Variants in GALNT14 observed in about 807,000 individuals in gnomAD.
GALNT14 encodes polypeptide N-acetylgalactosaminyltransferase 14.
GALNT14 carries 60 observed loss-of-function variants against 77.5 expected under a neutral mutation model. The ratio of observed to expected loss-of-function variants is 0.77; its 90% CI spans 0.63 to 0.96. GALNT14 has a LOEUF of 0.96. Among genes scored for constraint, GALNT14 ranks in the 40% least tolerant of loss-of-function variants. The probability of loss-of-function intolerance (pLI) is 0.00; values close to 1 mark genes in which losing one functional copy is unlikely to be tolerated. For synonymous variants in GALNT14, 280 were observed against 281.7 expected, an observed-to-expected ratio of 0.99 and a Z score of 0.06; for missense variants, 710 against 731.0, an observed-to-expected ratio of 0.97 and a Z score of 0.33.
Position 30,912,335 on chromosome 2 carries a change from G to C in GALNT14, c.1388C>G (p.Ala463Gly), listed in dbSNP as rs764528609. 21 of 1,613,878 alleles carry C rather than the reference G, an allele frequency of 1.3e-5. No homozygotes were observed. Among genetic ancestry groups the C allele is most frequent in the Non-Finnish European group, 1.8e-5 (21 of 1,179,978 alleles). The change falls in exon 14 of 15, where the codon GCC becomes GGC. Residue 463 changes from alanine (A) to glycine (G), a missense_variant. By Grantham distance (60) the Ala-to-Gly change is moderately conservative. Transcript: ENST00000349752. The stretch of plus-strand genomic sequence containing the variant: ...GAGGATCTGCTGGGTGTATGTGAAG[G>C]CCCATACCTGGGGAGAAAGAGACCA... ...KGEDAKSQVW[A>G]FTYTQQILQE...
chr2:31,124,673 T>C (rs1157508856), intron 1 of GALNT14, among the ~76,000 whole-genome samples: 2 of 152,136 alleles, frequency 1.3e-5, no homozygotes, highest in African/African-American at 4.8e-5. Context: ...CAGGATGGAG[T>C]GCAGTGGTGC....
chr2:30,979,140 G>A (rs901083241), intron 2 of GALNT14, among the ~76,000 whole-genome samples: 1 of 152,262 alleles, frequency 6.6e-6, no homozygotes, highest in African/African-American at 2.4e-5. Flanking sequence ...CAGGTGAGGA[G>A]TGATCCTTCT....
At chr2:30,894,805 C>A in the GALNT14 span, among the ~76,000 whole-genome samples, 1 of 152,216 alleles carries the variant, frequency 6.6e-6, no homozygotes, top group Non-Finnish European at 1.5e-5. Flanking sequence ...CTACGGCCCC[C>A]CATTCTTAGA....
intron 6 of GALNT14, 74 bp from the exon 7 acceptor site, chr2:30,945,944 C>A: frequency 8.0e-7 from 1 of 1,243,748 alleles, no homozygotes; most frequent in Admixed American, 1.7e-5. Context: ...GGGATGGCCT[C>A]GTGAGGGTAG....
intron 1 of GALNT14, among the ~76,000 whole-genome samples, chr2:31,011,896 A>G (rs1314207161): frequency 6.6e-6 from 1 of 152,188 alleles, no homozygotes; most frequent in Non-Finnish European, 1.5e-5. Context: ...TGGCTGCCAT[A>G]ACGCTCAGCC....
At chr2:30,996,232 A>G (rs1573119387) in intron 1 of GALNT14, among the ~76,000 whole-genome samples, 1 of 152,160 alleles carries the variant, frequency 6.6e-6, no homozygotes, top group South Asian at 2.1e-4. Flanking sequence ...AGGCCCAGAG[A>G]AAAAAAATCT....
chr2:30,984,647 T>C (rs1669185132), intron 2 of GALNT14, among the ~76,000 whole-genome samples: 1 of 152,178 alleles, frequency 6.6e-6, no homozygotes, highest in African/African-American at 2.4e-5. Context: ...CTCTTCTATC[T>C]CCTGATATTT....
chr2:31,133,801 C>T (rs977032508), intron 1 of GALNT14, among the ~76,000 whole-genome samples: 1 of 152,164 alleles, frequency 6.6e-6, no homozygotes, highest in African/African-American at 2.4e-5. Context: ...TTAAAACACT[C>T]AATTTGTTAC....
intron 2 of GALNT14, among the ~76,000 whole-genome samples, chr2:30,970,130 T>C (rs1426741525): frequency 6.6e-6 from 1 of 152,190 alleles, no homozygotes; most frequent in Non-Finnish European, 1.5e-5. Context: ...TGCAGACGAC[T>C]CTGCCTGCTG....
At chr2:31,105,430 C>G (rs1677506786) in intron 1 of GALNT14, among the ~76,000 whole-genome samples, 1 of 152,158 alleles carries the variant, frequency 6.6e-6, no homozygotes, top group African/African-American at 2.4e-5. Context: ...CCCCTGGTAA[C>G]TTGCAGTGTA....
At chr2:30,974,803 CA>C (rs1398557960) in intron 2 of GALNT14, among the ~76,000 whole-genome samples, 3 of 152,160 alleles carry the variant, frequency 2.0e-5, no homozygotes, top group African/African-American at 7.2e-5. Flanking sequence ...GCAGTGAAGG[CA>C]AGGACTTATT....
intron 1 of GALNT14, among the ~76,000 whole-genome samples, chr2:31,067,665 T>TA (rs376488756): frequency 1.6e-3 from 251 of 152,230 alleles, no homozygotes; most frequent in African/African-American, 5.4e-3. Flanking sequence ...AGGGAGGACT[T>TA]AAGAGTTGGA....
intron 1 of GALNT14, among the ~76,000 whole-genome samples, chr2:31,129,875 C>T (rs76351284): frequency 0.014 from 2,136 of 152,292 alleles, 64 homozygotes; most frequent in African/African-American, 0.048. Context: ...GGAGAGAGCT[C>T]GTCAAGAGAG....
chr2:30,926,258 G>A (rs1319531135), intron 11 of GALNT14, among the ~76,000 whole-genome samples: 1 of 152,198 alleles, frequency 6.6e-6, no homozygotes, highest in Non-Finnish European at 1.5e-5. Context: ...CATTTGGATG[G>A]GAAAGAGAAG....
chr2:31,066,789 G>A (rs946845341), intron 1 of GALNT14, among the ~76,000 whole-genome samples: 2 of 147,644 alleles, frequency 1.4e-5, no homozygotes, highest in East Asian at 2.0e-4. Flanking sequence ...CTGCTCCCAC[G>A]GTGCCACACA....
At chr2:30,981,303 G>A (rs72855239) in intron 2 of GALNT14, among the ~76,000 whole-genome samples, 2,725 of 152,344 alleles carry the variant, frequency 0.018, 76 homozygotes, top group African/African-American at 0.063. Context: ...GAAGACATCT[G>A]TGTGTTTCAG....
chr2:30,917,539 G>A (rs1193969393), intron 13 of GALNT14, among the ~76,000 whole-genome samples: 1 of 152,212 alleles, frequency 6.6e-6, no homozygotes, highest in African/African-American at 2.4e-5. Context: ...CTCTCTCCAG[G>A]AGGGGTGACA....
At chr2:30,924,344 G>T in intron 12 of GALNT14, 81 bp from the exon 13 acceptor site, 1 of 1,465,710 alleles carries the variant, frequency 6.8e-7, no homozygotes, top group Non-Finnish European at 9.5e-7. Context: ...GGTGGGCAGT[G>T]TTCTGAGAAT....
the GALNT14 span, among the ~76,000 whole-genome samples, chr2:30,892,500 A>C: frequency 6.6e-6 from 1 of 152,328 alleles, no homozygotes; most frequent in South Asian, 2.1e-4. Context: ...ATTTTTAGCA[A>C]TTTATTATGT....
Sources: allele counts gnomAD v4.1 joint callset (sites outside exome capture counted in the v4.1 genomes callset), GRCh38; gene constraint gnomAD v4.1.1; transcripts MANE v1.5; gene names NCBI Gene and HGNC (gene_info 2026-07-23, HGNC 2026-07-21).